PPP3R1: variants seen among roughly 807,000 people sequenced by gnomAD.
PPP3R1 encodes the protein calcineurin subunit B type 1.
PPP3R1 carries 5 observed loss-of-function variants against 22.6 expected under a neutral mutation model. That is an observed-to-expected ratio of 0.22 (90% confidence interval 0.12 to 0.46). The LOEUF (loss-of-function observed/expected upper bound fraction) is 0.46. PPP3R1 is among the 20% of genes least tolerant of loss of function. The pLI is 0.99. For missense variants in PPP3R1, 61 were observed against 203.2 expected (o/e 0.30, Z 4.25); for synonymous variants, 56 against 65.2 (o/e 0.86, Z 0.68).
At chr2:68,197,853 T>A (rs990523589) in intron 2 of PPP3R1, among the ~76,000 whole-genome samples, 2 of 151,838 alleles carry the variant, frequency 1.3e-5, no homozygotes, top group Non-Finnish European at 2.9e-5. Flanking sequence ...GATTCCTGTT[T>A]TGTGTGTACT....
intron 2 of PPP3R1, among the ~76,000 whole-genome samples, chr2:68,194,439 A>G (rs1036247964): frequency 7.2e-5 from 11 of 152,288 alleles, no homozygotes; most frequent in African/African-American, 2.6e-4. Flanking sequence ...ACTAAATTTT[A>G]GTATTTTCAA....
intron 1 of PPP3R1, among the ~76,000 whole-genome samples, chr2:68,235,708 A>C (rs1399996850): frequency 1.3e-5 from 2 of 152,148 alleles, no homozygotes; most frequent in African/African-American, 4.8e-5. Context: ...CATTTCTTTT[A>C]GGTATATACC....
chr2:68,181,166 G>A (rs1056706927), intron 5 of PPP3R1, among the ~76,000 whole-genome samples, 156 bp from the exon 6 acceptor site: 5 of 152,150 alleles, frequency 3.3e-5, no homozygotes, highest in Admixed American at 6.5e-5. Context: ...AAGGCAGGTG[G>A]ATCACAAGGT....
intron 1 of PPP3R1, among the ~76,000 whole-genome samples, chr2:68,250,780 T>C (rs1670331704): frequency 1.3e-5 from 2 of 152,302 alleles, no homozygotes; most frequent in East Asian, 1.9e-4. Context: ...AGTAAGCACT[T>C]ACTCATTTGC....
chr2:68,191,818 T>C (rs1214750722), intron 2 of PPP3R1, among the ~76,000 whole-genome samples: 1 of 152,188 alleles, frequency 6.6e-6, no homozygotes, highest in East Asian at 1.9e-4. Flanking sequence ...TAATGGAATA[T>C]GTGACATAAC....
intron 2 of PPP3R1, among the ~76,000 whole-genome samples, chr2:68,203,635 T>C (rs765431428): frequency 5.3e-5 from 8 of 149,998 alleles, no homozygotes; most frequent in Non-Finnish European, 1.0e-4. Flanking sequence ...AAAGAGGAAA[T>C]CAAATTAACT....
At chr2:68,235,159 C>T (rs1450766710) in intron 1 of PPP3R1, among the ~76,000 whole-genome samples, 2 of 152,184 alleles carry the variant, frequency 1.3e-5, no homozygotes, top group Non-Finnish European at 2.9e-5. Flanking sequence ...GGTCAGCAAG[C>T]TTTGGCTTGC....
intron 2 of PPP3R1, among the ~76,000 whole-genome samples, chr2:68,190,425 A>G (rs1313656554): frequency 6.6e-6 from 1 of 151,910 alleles, no homozygotes; most frequent in East Asian, 1.9e-4. Flanking sequence ...ATTAGCCGGG[A>G]GTGATGGCAG....
At position 68,180,595 on chromosome 2, in the gene PPP3R1, CCTA is replaced by C. The variant is rs1289282181; in HGVS notation, c.*365_*367del. 6.5e-6 allele frequency: 1 copy of C among 153,688 alleles called. No homozygotes were observed. The highest frequency in any genetic ancestry group is 2.4e-5 in the African/African-American group (1 of 41,420). 9.5% of individuals were successfully genotyped at this position (153,688 alleles called of 1,614,324 possible). A position where few individuals can be genotyped will look rare whatever the true frequency, so the allele number is the denominator to read the frequency against. On this transcript the variant is annotated 3_prime_UTR_variant, in exon 6 of 6. Coordinates refer to ENST00000234310, the MANE Select transcript of PPP3R1 (RefSeq NM_000945.4). ...ATCAAGTATATTAAATTAAAGCCAA[CCTA>C]CTACATATATAGAAAGCTACATATA...
chr2:68,215,867 T>C (rs1669569024), intron 2 of PPP3R1, among the ~76,000 whole-genome samples: 1 of 152,038 alleles, frequency 6.6e-6, no homozygotes, highest in Non-Finnish European at 1.5e-5. Context: ...AACTACCATG[T>C]ATATGAACAG....
chr2:68,196,381 C>T (rs535376116), intron 2 of PPP3R1, among the ~76,000 whole-genome samples: 39 of 152,240 alleles, frequency 2.6e-4, no homozygotes, highest in Middle Eastern at 3.4e-3. Context: ...TTATAATGAT[C>T]TTGTTGTGTA....
chr2:68,247,480 C>T (rs1304075104), intron 1 of PPP3R1, among the ~76,000 whole-genome samples: 2 of 152,210 alleles, frequency 1.3e-5, no homozygotes, highest in African/African-American at 4.8e-5. Context: ...TAGGCCATGA[C>T]ATGTATGTAG....
intron 1 of PPP3R1, among the ~76,000 whole-genome samples, chr2:68,217,409 C>G (rs144549418): frequency 8.9e-4 from 135 of 152,048 alleles, no homozygotes; most frequent in Non-Finnish European, 1.5e-3. Context: ...TTCTAATACC[C>G]TAAATAAGTT....
At chr2:68,212,861 A>T (rs1430610539) in intron 2 of PPP3R1, among the ~76,000 whole-genome samples, 2 of 152,376 alleles carry the variant, frequency 1.3e-5, no homozygotes, top group Non-Finnish European at 2.9e-5. Context: ...TGCCACCTTC[A>T]TCTTCTGGAT....
rs751934251 is a variant in PPP3R1 at position 68,232,124 on chromosome 2, T to TACACACACACACACACACAC, written c.4-14994_4-14993insGTGTGTGTGTGTGTGTGTGT. 1.2e-3 allele frequency among the ~76,000 whole-genome samples: 115 copies of TACACACACACACACACACAC among 97,998 alleles called. 5 individuals carry two copies. Among genetic ancestry groups the TACACACACACACACACACAC allele is most frequent in the African/African-American group, 4.3e-3 (103 of 24,184 alleles). 64.3% of individuals were successfully genotyped at this position (97,998 alleles called of 152,430 possible). Reference sequence around the variant, plus strand: ...AAAAAAAAAAATATATATATATATATACACACACACACACATATATATGTA... The same window carrying TACACACACACACACACACAC: ...AAAAAAAAAAATATATATATATATATACACACACACACACACACACACACACACACACACATATATATGTA... On this transcript the variant is annotated intron_variant, in intron 1 of 5. Coordinates refer to ENST00000234310, the MANE Select transcript of PPP3R1 (RefSeq NM_000945.4).
intron 2 of PPP3R1, among the ~76,000 whole-genome samples, chr2:68,208,938 T>A (rs200305043): frequency 3.6e-5 from 5 of 140,200 alleles, no homozygotes; most frequent in Non-Finnish European, 6.2e-5. Flanking sequence ...TTTTTTTTTT[T>A]AATTTAAAAA....
chr2:68,217,039 C>CTG, intron 2 of PPP3R1, 53 bp downstream of exon 2: 1 of 1,084,904 alleles, frequency 9.2e-7, no homozygotes, highest in Non-Finnish European at 1.3e-6. Context: ...CACACACACA[C>CTG]AGAGAGAGAT....
intron 1 of PPP3R1, among the ~76,000 whole-genome samples, chr2:68,246,718 C>T (rs1670243672): frequency 2.6e-5 from 4 of 152,204 alleles, no homozygotes; most frequent in African/African-American, 9.7e-5. Flanking sequence ...GGCTCCTCAT[C>T]CTCTACCTGC....
At chr2:68,222,961 C>G (rs1278185336) in intron 1 of PPP3R1, among the ~76,000 whole-genome samples, 1 of 152,054 alleles carries the variant, frequency 6.6e-6, no homozygotes, top group African/African-American at 2.4e-5. Context: ...AAAAAAGAGC[C>G]AATTCATCAG....
Sources: allele counts gnomAD v4.1 joint callset (sites outside exome capture counted in the v4.1 genomes callset), GRCh38; gene constraint gnomAD v4.1.1; transcripts MANE v1.5; gene names NCBI Gene and HGNC (gene_info 2026-07-23, HGNC 2026-07-21).